Variants in PNRC2 observed in about 807,000 individuals in gnomAD.
PNRC2 encodes proline rich nuclear receptor coactivator 2.
A neutral mutation model predicts 12.2 loss-of-function variants in PNRC2; 2 were observed. The ratio of observed to expected loss-of-function variants is 0.16; its 90% CI spans 0.07 to 0.52. The LOEUF is 0.52. PNRC2 is among the 20% of genes least tolerant of loss of function. The pLI is 0.95. For missense variants in PNRC2, 115 were observed against 158.4 expected (o/e 0.73, Z 1.47); for synonymous variants, 44 against 53.9 (o/e 0.82, Z 0.80).
Position 23,962,442 on chromosome 1 carries a change from TTAAG to T in PNRC2, c.*567_*570del, listed in dbSNP as rs1331652326. ...GGCCCTGTTTATTAAATGTAGTGGA[TTAAG>T]TGTCTGTCAACAAATACACCAAAAC... On this transcript the variant is annotated 3_prime_UTR_variant, in exon 3 of 3. Transcript: ENST00000334351. 7 of 166,922 alleles carry T rather than the reference TTAAG, an allele frequency of 4.2e-5. No homozygotes were observed. The highest frequency in any genetic ancestry group is 1.2e-4 in the African/African-American group (5 of 41,260). 10.3% of individuals were successfully genotyped at this position (166,922 alleles called of 1,614,324 possible).
In PNRC2 at chr1:23,961,964, GAACT is replaced by G. The variant is rs1293740932; in HGVS notation, c.*90_*93del. 5 of 750,366 alleles carry G rather than the reference GAACT, an allele frequency of 6.7e-6. No homozygotes were observed. The Admixed American group carries it at 1.1e-4, about 17-fold the overall frequency. The allele number at this position is 750,366 out of a possible 1,614,324, so 46.5% of individuals were successfully genotyped here. On this transcript the variant is annotated 3_prime_UTR_variant, in exon 3 of 3. Transcript: ENST00000334351. The stretch of plus-strand genomic sequence containing the variant: ...ATTCGCTAGGGAATCTATTTGTGTA[GAACT>G]AATTAATGTAAAAAAAATAGACCAT...
rs1641314302 is a variant in PNRC2 at position 23,963,201 on chromosome 1, C to A, written c.*1324C>A. The stretch of plus-strand genomic sequence containing the variant: ...CCAACTTTAAATGCTTAAACATAAG[C>A]GAAACCAGTAGCAAGTATGTGGGTC... On this transcript the variant is annotated 3_prime_UTR_variant, in exon 3 of 3. Transcript: ENST00000334351. 6.0e-6 allele frequency: 1 copy of A among 166,968 alleles called. No homozygotes were observed. Among genetic ancestry groups the A allele is most frequent in the Non-Finnish European group, 1.5e-5 (1 of 68,068 alleles). The allele number at this position is 166,968 out of a possible 1,614,324, so 10.3% of individuals were successfully genotyped here.
At chr1:23,959,166 T>A (rs1366966608), upstream of PNRC2, 1 of 152,294 alleles carries the variant, frequency 6.6e-6, no homozygotes, top group South Asian at 2.1e-4. Context: ...AGGGCTCTAA[T>A]TGAACTTAAG....
In PNRC2 at chr1:23,963,230, T is replaced by C. The variant is rs1331552786; in HGVS notation, c.*1353T>C. ...ACCAGTAGCAAGTATGTGGGTCAGC[T>C]TAAAAATTTTGATTGTTAATGCCCT... On this transcript the variant is annotated 3_prime_UTR_variant, in exon 3 of 3. Transcript: ENST00000334351. 1.2e-5 allele frequency: 2 copies of C among 167,054 alleles called. No homozygotes were observed. Among genetic ancestry groups the C allele is most frequent in the Admixed American group, 6.5e-5 (1 of 15,280 alleles). The allele number at this position is 167,054 out of a possible 1,614,324, so 10.3% of individuals were successfully genotyped here.
In PNRC2 at chr1:23,959,881, G is replaced by C. The variant is rs1472830251; in HGVS notation, c.-342G>C. On this transcript the variant is annotated 5_prime_UTR_variant, in exon 1 of 3. Coordinates refer to ENST00000334351, the MANE Select transcript of PNRC2 (RefSeq NM_017761.4). ...GTTGTAGAAGCTGGGGTGGCCGGCA[G>C]CTCGCTCATCGGTGTTCGTGGGCTT... The C allele has an allele frequency of 6.6e-6, 1 of 152,314 alleles. No homozygotes were observed. The highest frequency in any genetic ancestry group is 2.4e-5 in the African/African-American group (1 of 41,476). 9.4% of individuals were successfully genotyped at this position (152,314 alleles called of 1,614,324 possible).
rs1453895094 is a variant in PNRC2 at position 23,961,953 on chromosome 1, CTA to C, written c.*78_*79del. Reference sequence around the variant, plus strand: ...GTCTGAAACAAATTCGCTAGGGAATCTATTTGTGTAGAACTAATTAATGTAAA... The same window carrying C: ...GTCTGAAACAAATTCGCTAGGGAATCTTTGTGTAGAACTAATTAATGTAAA... On this transcript the variant is annotated 3_prime_UTR_variant, in exon 3 of 3. Coordinates refer to ENST00000334351, the MANE Select transcript of PNRC2 (RefSeq NM_017761.4). 3 of 807,202 alleles carry C rather than the reference CTA, an allele frequency of 3.7e-6. No homozygotes were observed. The highest frequency in any genetic ancestry group is 6.0e-6 in the Non-Finnish European group (3 of 502,290). 50.0% of individuals were successfully genotyped at this position (807,202 alleles called of 1,614,324 possible).
At chr1:23,960,402 A>G (rs1463512641) in intron 1 of PNRC2, among the ~76,000 whole-genome samples, 1 of 152,160 alleles carries the variant, frequency 6.6e-6, no homozygotes, top group African/African-American at 2.4e-5. Flanking sequence ...TATATTTAAG[A>G]TGGGCTTAGA....
At position 23,961,932 on chromosome 1, in the gene PNRC2, G is replaced by T; in HGVS notation, c.*55G>T. On this transcript the variant is annotated 3_prime_UTR_variant, in exon 3 of 3. Coordinates refer to ENST00000334351, the MANE Select transcript of PNRC2 (RefSeq NM_017761.4). The stretch of plus-strand genomic sequence containing the variant: ...TTCACGGATAGTTGTCAATTGGTCT[G>T]AAACAAATTCGCTAGGGAATCTATT... 9 of 1,079,536 alleles carry T rather than the reference G, an allele frequency of 8.3e-6. No individual in the cohort carries two copies. Among genetic ancestry groups the T allele is most frequent in the Non-Finnish European group, 8.1e-6 (6 of 741,028 alleles). The allele number at this position is 1,079,536 out of a possible 1,614,324, so 66.9% of individuals were successfully genotyped here. A position where few individuals can be genotyped will look rare whatever the true frequency, so the allele number is the denominator to read the frequency against.
chr1:23,962,341 T>C lies in PNRC2; in HGVS notation c.*464T>C, dbSNP rs1641296879. On this transcript the variant is annotated 3_prime_UTR_variant, in exon 3 of 3. Transcript: ENST00000334351. ...AGAAAATGTGAATTTTTCGTAATAATTGCATTTTAGTGAATTGTACAGTGG... is the reference window on the plus strand; with the variant it reads ...AGAAAATGTGAATTTTTCGTAATAACTGCATTTTAGTGAATTGTACAGTGG... 5.9e-6 allele frequency: 1 copy of C among 170,426 alleles called. No homozygotes were observed. Among genetic ancestry groups the C allele is most frequent in the South Asian group, 1.9e-4 (1 of 5,242 alleles). The allele number at this position is 170,426 out of a possible 1,614,324, so 10.6% of individuals were successfully genotyped here.
In PNRC2 at chr1:23,961,021, T is replaced by C; in HGVS notation, c.-132T>C. The C allele has an allele frequency of 2.5e-6, 1 of 403,722 alleles. No homozygotes were observed. Among genetic ancestry groups the C allele is most frequent in the Non-Finnish European group, 4.4e-6 (1 of 228,732 alleles). The allele number at this position is 403,722 out of a possible 1,614,324, so 25.0% of individuals were successfully genotyped here. A position where few individuals can be genotyped will look rare whatever the true frequency, so the allele number is the denominator to read the frequency against. On this transcript the variant is annotated 5_prime_UTR_variant, in exon 2 of 3. Transcript: ENST00000334351. Reference sequence around the variant, plus strand: ...CAGCAGATCGGCCCATGAAAACTTCTGTATTGAGACAAAGGAAGGGATCTG... The same window carrying C: ...CAGCAGATCGGCCCATGAAAACTTCCGTATTGAGACAAAGGAAGGGATCTG...
Position 23,961,604 on chromosome 1 carries a change from T to C in PNRC2, c.147T>C (p.Tyr49=), listed in dbSNP as rs11540218. ...AGAAAAAAGAAAGAGGACATGGTTA[T>C]AACTCATCAGCAGCTGCCTGGCAGG... is the stretch of plus-strand genomic sequence containing the variant. ...VHKKKERGHG[Y]NSSAAAWQAM... is the part of the protein sequence containing the mutation. Residue 49 remains tyrosine, a synonymous_variant, in exon 3 of 3, where the codon TAT becomes TAC. Coordinates refer to ENST00000334351, the MANE Select transcript of PNRC2 (RefSeq NM_017761.4). 3.7e-6 allele frequency: 6 copies of C among 1,613,844 alleles called. No individual in the cohort carries two copies. In the African/African-American group the frequency reaches 8.0e-5, roughly 22 times the overall value.
Position 23,961,603 on chromosome 1 carries a change from A to G in PNRC2, c.146A>G (p.Tyr49Cys), listed in dbSNP as rs878944487. The stretch of plus-strand genomic sequence containing the variant: ...AAGAAAAAAGAAAGAGGACATGGTT[A>G]TAACTCATCAGCAGCTGCCTGGCAG... ...VHKKKERGHG[Y>C]NSSAAAWQAM... The change falls in exon 3 of 3, where the codon TAT (tyrosine) becomes TGT (cysteine). Residue 49 changes from tyrosine (Y) to cysteine (C), a missense_variant. This residue lies in a region of PNRC2 where 98 missense variants were observed against 112.4 expected (regional missense o/e 0.87). Coordinates refer to ENST00000334351, the MANE Select transcript of PNRC2 (RefSeq NM_017761.4). 109 of 1,613,988 alleles carry G rather than the reference A, an allele frequency of 6.8e-5. 1 individual carries two copies. The South Asian group carries it at 1.0e-3, about 15-fold the overall frequency.
chr1:23,962,934 A>G lies in PNRC2; in HGVS notation c.*1057A>G, dbSNP rs1388797694. On this transcript the variant is annotated 3_prime_UTR_variant, in exon 3 of 3. Coordinates refer to ENST00000334351, the MANE Select transcript of PNRC2 (RefSeq NM_017761.4). ...GGTTTAAGCTGCTAAAACTATTTTTAAGAGATGTGAAATGCAGTATGGGAC... is the reference window on the plus strand; with the variant it reads ...GGTTTAAGCTGCTAAAACTATTTTTGAGAGATGTGAAATGCAGTATGGGAC... The G allele has an allele frequency of 6.0e-6, 1 of 166,958 alleles. No homozygotes were observed. The highest frequency in any genetic ancestry group is 6.5e-5 in the Admixed American group (1 of 15,274). 10.3% of individuals were successfully genotyped at this position (166,958 alleles called of 1,614,324 possible). A position where few individuals can be genotyped will look rare whatever the true frequency, so the allele number is the denominator to read the frequency against.
intron 1 of PNRC2, 72 bp from the exon 2 acceptor site, chr1:23,960,857 T>G: frequency 2.5e-6 from 1 of 397,134 alleles, no homozygotes; most frequent in Non-Finnish European, 4.4e-6. Context: ...AGTCAACGAT[T>G]TTCGTAGTAA....
chr1:23,960,776 G>A (rs1308730508), intron 1 of PNRC2, among the ~76,000 whole-genome samples, 153 bp from the exon 2 acceptor site: 1 of 152,184 alleles, frequency 6.6e-6, no homozygotes, highest in Non-Finnish European at 1.5e-5. Flanking sequence ...AATGGTCGTG[G>A]TTATAAGGTC....
At position 23,961,835 on chromosome 1, in the gene PNRC2, A is replaced by G. The variant is rs1363374407; in HGVS notation, c.378A>G (p.Ile126Met). The stretch of plus-strand genomic sequence containing the variant: ...CCTTTAATCCTTCAGATAAGGAAAT[A>G]ATGACATTTCAACTTAAAACCTTAC... Reference protein sequence around the residue: ...PVSFNPSDKEIMTFQLKTLLK... With the variant: ...PVSFNPSDKEMMTFQLKTLLK... The change falls in exon 3 of 3, where the codon ATA (isoleucine) becomes ATG (methionine). Residue 126 changes from isoleucine (I) to methionine (M), a missense_variant. Physicochemically the swap from Ile to Met is conservative, Grantham distance 10. Around this residue, in one of 2 missense-constraint regions of PNRC2, gnomAD observed 17 missense variants for 46.0 expected, o/e 0.37. Transcript: ENST00000334351. 1.9e-6 allele frequency: 3 copies of G among 1,592,876 alleles called. No homozygotes were observed. The highest frequency in any genetic ancestry group is 1.3e-5 in the African/African-American group (1 of 74,198).
At chr1:23,959,593 G>A (rs1436245287), upstream of PNRC2, among the ~76,000 whole-genome samples, 2 of 152,148 alleles carry the variant, frequency 1.3e-5, no homozygotes, top group African/African-American at 4.8e-5. Flanking sequence ...GGGGCGCGGA[G>A]AGGCCGCCGG....
rs2148488351 is a variant in PNRC2, at chr1:23,962,752, T to G, written c.*875T>G. ...ATTTGCTGAATGTAAGACCGTGGAC[T>G]GTTTTTTATAATATGGCCTAATTTT... is the stretch of plus-strand genomic sequence containing the variant. On this transcript the variant is annotated 3_prime_UTR_variant, in exon 3 of 3. Transcript: ENST00000334351. The G allele has an allele frequency of 6.0e-6, 1 of 167,154 alleles. No individual in the cohort carries two copies. The highest frequency in any genetic ancestry group is 2.1e-4 in the South Asian group (1 of 4,828). 10.4% of individuals were successfully genotyped at this position (167,154 alleles called of 1,614,324 possible).
chr1:23,962,313 G>A lies in PNRC2; in HGVS notation c.*436G>A, dbSNP rs1245123055. On this transcript the variant is annotated 3_prime_UTR_variant, in exon 3 of 3. Transcript: ENST00000334351. ...TAATATGCTAACCTGATGCACTGCT[G>A]AAAGAAAATGTGAATTTTTCGTAAT... 1 of 170,396 alleles carries A rather than the reference G, an allele frequency of 5.9e-6. No individual in the cohort carries two copies. The highest frequency in any genetic ancestry group is 1.4e-5 in the Non-Finnish European group (1 of 70,202). The allele number at this position is 170,396 out of a possible 1,614,324, so 10.6% of individuals were successfully genotyped here.
Sources: gnomAD v4.1 joint callset for allele counts (sites outside exome capture counted in the v4.1 genomes callset) on GRCh38, gnomAD v4.1.1 for gene constraint, gnomAD v4.1.1 regional missense constraint, MANE v1.5 for transcripts, NCBI Gene and HGNC (gene_info 2026-07-23, HGNC 2026-07-21) for gene names.